SNCAIP: variants seen among roughly 807,000 people sequenced by gnomAD.
The protein encoded by SNCAIP is synphilin-1.
In SNCAIP, 43 loss-of-function variants were observed where a neutral mutation model predicts 86.7. That is an observed-to-expected ratio of 0.50 (90% confidence interval 0.39 to 0.64). The LOEUF (loss-of-function observed/expected upper bound fraction) is 0.64. SNCAIP is among the 30% of genes least tolerant of loss of function. The pLI, the probability that SNCAIP is intolerant of heterozygous loss-of-function variation, is 0.00. For synonymous variants in SNCAIP, 417 were observed against 427.2 expected (o/e 0.98, Z 0.29); for missense variants, 981 against 1,103.1 (o/e 0.89, Z 1.57).
intron 1 of SNCAIP, among the ~76,000 whole-genome samples, chr5:122,335,822 C>T (rs762085442): frequency 9.2e-5 from 14 of 152,130 alleles, no homozygotes; most frequent in Non-Finnish European, 1.8e-4. Context: ...ATACAGGCTG[C>T]CCCAGGAAGG....
In SNCAIP at chr5:122,429,396, G is replaced by T. The variant is rs980700806; in HGVS notation, c.1183-2573G>T. On this transcript the variant is annotated intron_variant, in intron 5 of 10. Transcript: ENST00000261368. The stretch of plus-strand genomic sequence containing the variant: ...AATAATAGAGGACGTCAATAAAACA[G>T]CATTTAGTTCTATGAAAATATTTTT... Among the ~76,000 whole-genome samples the T allele has an allele frequency of 2.0e-5, 3 of 150,002 alleles. 1 individual carries two copies. Among genetic ancestry groups the T allele is most frequent in the Non-Finnish European group, 4.4e-5 (3 of 67,642 alleles).
intron 1 of SNCAIP, among the ~76,000 whole-genome samples, chr5:122,335,020 A>G (rs929750099): frequency 2.0e-5 from 3 of 152,212 alleles, no homozygotes; most frequent in Non-Finnish European, 4.4e-5. Flanking sequence ...GTGACAAATC[A>G]CCTTTACTTT....
At chr5:122,384,582 T>G (rs1767689658) in intron 1 of SNCAIP, among the ~76,000 whole-genome samples, 1 of 152,218 alleles carries the variant, frequency 6.6e-6, no homozygotes, top group Non-Finnish European at 1.5e-5. Flanking sequence ...TCCCAGCATC[T>G]GTGTGAGACT....
chr5:122,447,820 A>G (rs1488443941), intron 8 of SNCAIP, among the ~76,000 whole-genome samples: 4 of 152,244 alleles, frequency 2.6e-5, no homozygotes, highest in Non-Finnish European at 5.9e-5. Flanking sequence ...TCATGCTGCA[A>G]AGGCAGAGTT....
chr5:122,319,758 CA>C (rs1752554516), intron 1 of SNCAIP, among the ~76,000 whole-genome samples: 1 of 152,216 alleles, frequency 6.6e-6, no homozygotes, highest in Non-Finnish European at 1.5e-5. Context: ...CTGTGTTTGA[CA>C]TGTAACCATT....
chr5:122,418,443 A>G (rs996752417), intron 3 of SNCAIP, among the ~76,000 whole-genome samples: 6 of 152,222 alleles, frequency 3.9e-5, no homozygotes, highest in African/African-American at 1.4e-4. Flanking sequence ...TTGTTTTTAA[A>G]GGAAACTTCA....
chr5:122,381,658 A>G (rs913036235), intron 1 of SNCAIP, among the ~76,000 whole-genome samples: 11 of 151,528 alleles, frequency 7.3e-5, no homozygotes, highest in Admixed American at 5.9e-4. Flanking sequence ...ACATTTTGGC[A>G]TGATTTTGCA....
At chr5:122,395,329 A>G (rs7718410) in intron 2 of SNCAIP, among the ~76,000 whole-genome samples, 19,791 of 152,194 alleles carry the variant, frequency 0.13, 1,372 homozygotes, top group South Asian at 0.25. Context: ...ATACACACAC[A>G]TACAAATAGA....
At chr5:122,400,860 A>G in intron 2 of SNCAIP, 1 of 1,005,752 alleles carries the variant, frequency 9.9e-7, no homozygotes, top group Non-Finnish European at 1.4e-6. Context: ...ACAAATTTAG[A>G]TCAAAAGTCT....
chr5:122,401,457 T>TA (rs894699238), intron 2 of SNCAIP, among the ~76,000 whole-genome samples: 1 of 152,178 alleles, frequency 6.6e-6, no homozygotes, highest in Non-Finnish European at 1.5e-5. Flanking sequence ...TGTGTCTTTA[T>TA]AAAAAATGAT....
Position 122,450,614 on chromosome 5 carries a change from A to G in SNCAIP, c.1767A>G (p.Pro589=), listed in dbSNP as rs1783520020. Residue 589 remains proline (P), a synonymous_variant, in exon 10 of 11, where the codon CCA becomes CCG. Transcript: ENST00000261368. ...ATGATTCTGTAGCCAAAAGCAAGCC[A>G]GGAGTCCAAGAGGGGATTCAGGTTC... is the stretch of plus-strand genomic sequence containing the variant. ...ADDDSVAKSK[P]GVQEGIQVLG... The G allele has an allele frequency of 6.2e-7, 1 of 1,614,164 alleles. No individual in the cohort carries two copies. Among genetic ancestry groups the G allele is most frequent in the Middle Eastern group, 1.6e-4 (1 of 6,062 alleles).
chr5:122,428,237 AC>A (rs1294636952), intron 5 of SNCAIP, among the ~76,000 whole-genome samples: 1 of 152,086 alleles, frequency 6.6e-6, no homozygotes, highest in Non-Finnish European at 1.5e-5. Context: ...TCTTACTGAT[AC>A]CCCCTTGCTG....
chr5:122,429,926 A>C lies in SNCAIP; in HGVS notation c.1183-2043A>C, dbSNP rs544409794. Among the ~76,000 whole-genome samples the C allele has an allele frequency of 7.2e-5, 11 of 152,208 alleles. No homozygotes were observed. In the East Asian group the frequency reaches 2.1e-3, roughly 29 times the overall value. ...TAAGGGACTCAGATGGCCAATGGCA[A>C]CCCCATAGAGAGGGCCTCAAACTCA... On this transcript the variant is annotated intron_variant, in intron 5 of 10. Coordinates refer to ENST00000261368, the MANE Select transcript of SNCAIP (RefSeq NM_005460.4).
intron 6 of SNCAIP, among the ~76,000 whole-genome samples, chr5:122,433,249 T>C (rs1225004593): frequency 6.6e-6 from 1 of 152,060 alleles, no homozygotes; most frequent in East Asian, 1.9e-4. Flanking sequence ...TTTGTGTACA[T>C]TCTCTCATTT....
chr5:122,365,875 A>G (rs1197547477), intron 1 of SNCAIP, among the ~76,000 whole-genome samples: 2 of 152,138 alleles, frequency 1.3e-5, no homozygotes, highest in African/African-American at 2.4e-5. Context: ...AAGTCATGGT[A>G]AGTATGTCGA....
intron 6 of SNCAIP, among the ~76,000 whole-genome samples, chr5:122,435,198 G>A (rs897277837): frequency 6.6e-5 from 10 of 152,170 alleles, no homozygotes; most frequent in African/African-American, 2.4e-4. Flanking sequence ...GGCAGAACTA[G>A]CCACAGGGAA....
chr5:122,448,648 AT>A (rs1216223450), intron 8 of SNCAIP, among the ~76,000 whole-genome samples: 9 of 132,932 alleles, frequency 6.8e-5, no homozygotes, highest in African/African-American at 1.4e-4. Context: ...TGTTATATAT[AT>A]TTTTATATAT....
intron 1 of SNCAIP, among the ~76,000 whole-genome samples, chr5:122,332,575 C>G (rs530539900): frequency 7.9e-5 from 12 of 152,176 alleles, no homozygotes; most frequent in Non-Finnish European, 1.2e-4. Context: ...CTCCAGTGTT[C>G]CCTGAATTAT....
At chr5:122,379,462 A>G (rs1766157923) in intron 1 of SNCAIP, among the ~76,000 whole-genome samples, 1 of 122,510 alleles carries the variant, frequency 8.2e-6, no homozygotes, top group African/African-American at 3.2e-5. Context: ...GGTTTTCTAG[A>G]TATACAATCA....
Sources: gnomAD v4.1 joint callset for allele counts (sites outside exome capture counted in the v4.1 genomes callset) on GRCh38, gnomAD v4.1.1 for gene constraint, MANE v1.5 for transcripts, NCBI Gene and HGNC (gene_info 2026-07-23, HGNC 2026-07-21) for gene names.